Variants in SIPA1L2 observed in about 807,000 individuals in gnomAD.
The protein encoded by SIPA1L2 is signal induced proliferation associated 1 like 2, also known as signal-induced proliferation-associated 1-like protein 2.
SIPA1L2 carries 56 observed loss-of-function variants against 163.9 expected under a neutral mutation model. That is an observed-to-expected ratio of 0.34 (90% CI 0.28 to 0.43). The LOEUF (loss-of-function observed/expected upper bound fraction) is 0.43. Ranked by LOEUF, SIPA1L2 falls within the 20% of genes least tolerant of loss-of-function variation. The pLI is 1.00. For missense variants in SIPA1L2, 1,974 were observed against 2,193.5 expected (o/e 0.90, Z 2.00); for synonymous variants, 877 against 865.7 (o/e 1.01, Z -0.23).
At chr1:232,529,347 A>G (rs560852350) in intron 2 of SIPA1L2, among the ~76,000 whole-genome samples, 1 of 152,340 alleles carries the variant, frequency 6.6e-6, no homozygotes, top group East Asian at 1.9e-4. Flanking sequence ...CTTGACCTTC[A>G]AAATACGTTG....
At chr1:232,597,880 G>A (rs1661365154) in intron 1 of SIPA1L2, among the ~76,000 whole-genome samples, 1 of 151,934 alleles carries the variant, frequency 6.6e-6, no homozygotes, top group Non-Finnish European at 1.5e-5. Context: ...TGAGTCTGAG[G>A]CACCCGAAAG....
chr1:232,564,145 T>TCGTGTGTGTGTGTGTG (rs1307515862), intron 2 of SIPA1L2, among the ~76,000 whole-genome samples: 1 of 64,168 alleles, frequency 1.6e-5, no homozygotes, highest in African/African-American at 9.8e-5. Flanking sequence ...TTTTTTTTTT[T>TCGTGTGTGTGTGTGTG]TTTCGTGTGT....
intron 1 of SIPA1L2, among the ~76,000 whole-genome samples, chr1:232,601,296 C>CA (rs1661583105): frequency 6.6e-6 from 1 of 152,170 alleles, no homozygotes; most frequent in African/African-American, 2.4e-5. Flanking sequence ...AGGCTAGTCT[C>CA]AATCTCCTGG....
chr1:232,420,486 T>C (rs1661508243), intron 18 of SIPA1L2, among the ~76,000 whole-genome samples: 1 of 152,164 alleles, frequency 6.6e-6, no homozygotes, highest in South Asian at 2.1e-4. Context: ...AAGCCTGTTA[T>C]TTTAAATCCA....
intron 15 of SIPA1L2, among the ~76,000 whole-genome samples, chr1:232,438,651 C>T (rs1019055302): frequency 3.0e-4 from 45 of 152,342 alleles, no homozygotes; most frequent in African/African-American, 1.0e-3. Context: ...TCAGGCCTCC[C>T]CTGCTGTCAG....
intron 2 of SIPA1L2, among the ~76,000 whole-genome samples, chr1:232,535,724 G>A (rs1657263640): frequency 6.6e-6 from 1 of 152,114 alleles, no homozygotes; most frequent in South Asian, 2.1e-4. Context: ...AATGCACCGT[G>A]CCTCACAGTA....
intron 2 of SIPA1L2, among the ~76,000 whole-genome samples, chr1:232,563,126 T>A (rs58968845): frequency 1.3e-5 from 2 of 152,232 alleles, no homozygotes; most frequent in Non-Finnish European, 2.9e-5. Flanking sequence ...GAAGGTTCAA[T>A]AGCCTCTTTA....
At chr1:232,532,834 GTACAGCAGAGCAATGAGATGCC>G (rs1474999254) in intron 2 of SIPA1L2, among the ~76,000 whole-genome samples, 1 of 152,156 alleles carries the variant, frequency 6.6e-6, no homozygotes, top group African/African-American at 2.4e-5. Flanking sequence ...AAACACTGAG[GTACAGCAGAGCAATGAGATGCC>G]TACCTCTACT....
At chr1:232,532,281 C>T (rs1416109582) in intron 2 of SIPA1L2, among the ~76,000 whole-genome samples, 1 of 152,038 alleles carries the variant, frequency 6.6e-6, no homozygotes, top group Non-Finnish European at 1.5e-5. Flanking sequence ...AAGAATGACT[C>T]CAGGATTTTT....
Position 232,465,495 on chromosome 1 carries a change from T to TACACACACACACACATATACATAC in SIPA1L2, c.2244-103_2244-80dup. On this transcript the variant is annotated intron_variant, in intron 8 of 22. Transcript: ENST00000674635. The surrounding 1 kb of genome is among the most constrained non-coding windows in gnomAD (Gnocchi z 4.1). Reference sequence around the variant, plus strand: ...TATCTTTCCGAATTTGACATATATATACACACACACACACATATACATACA... The same window carrying TACACACACACACACATATACATAC: ...TATCTTTCCGAATTTGACATATATATACACACACACACACATATACATACACACACACACACACATATACATACA... The TACACACACACACACATATACATAC allele has an allele frequency of 1.9e-6, 2 of 1,065,652 alleles. No individual in the cohort carries two copies. The highest frequency in any genetic ancestry group is 2.6e-5 in the East Asian group (1 of 38,894). The allele number at this position is 1,065,652 out of a possible 1,614,324, so 66.0% of individuals were successfully genotyped here.
intron 2 of SIPA1L2, among the ~76,000 whole-genome samples, chr1:232,527,725 CTTTTTTTTT>C (rs57868657): frequency 2.6e-4 from 21 of 80,946 alleles, no homozygotes; most frequent in Admixed American, 1.2e-3. Flanking sequence ...TCTTCTTCTT[CTTTTTTTTT>C]TTTTTTTTTT....
intron 14 of SIPA1L2, 73 bp downstream of exon 14, chr1:232,441,218 G>T: frequency 8.6e-7 from 1 of 1,162,958 alleles, no homozygotes; most frequent in Non-Finnish European, 1.2e-6. Context: ...CCAGGAATCA[G>T]GCTGTACCAC....
At chr1:232,536,659 A>T (rs529337491) in intron 2 of SIPA1L2, among the ~76,000 whole-genome samples, 19 of 152,156 alleles carry the variant, frequency 1.2e-4, no homozygotes, top group Non-Finnish European at 2.5e-4. Flanking sequence ...AAATAAAACA[A>T]ACAAACAAAA....
At chr1:232,404,897 G>A (rs538956408) in intron 19 of SIPA1L2, among the ~76,000 whole-genome samples, 2 of 152,258 alleles carry the variant, frequency 1.3e-5, no homozygotes. Flanking sequence ...TCTACAGTAG[G>A]AATCTGAGGT....
intron 14 of SIPA1L2, 26 bp from the exon 15 acceptor site, chr1:232,439,522 T>C: frequency 6.3e-7 from 1 of 1,590,974 alleles, no homozygotes; most frequent in Non-Finnish European, 8.6e-7. Context: ...GAACAGAGAG[T>C]TCTCAAGTGA....
intron 1 of SIPA1L2, among the ~76,000 whole-genome samples, chr1:232,599,369 C>T (rs993480120): frequency 1.3e-5 from 2 of 152,210 alleles, no homozygotes; most frequent in Admixed American, 6.5e-5. Context: ...AAGTATACCA[C>T]TCAGCAAGGC....
Position 232,528,660 on chromosome 1 carries a change from T to G in SIPA1L2, c.-269-13052A>C, listed in dbSNP as rs1229472411. Among the ~76,000 whole-genome samples the G allele has an allele frequency of 3.3e-5, 5 of 152,154 alleles. No individual in the cohort carries two copies. In the East Asian group the frequency reaches 9.6e-4, roughly 29 times the overall value. On this transcript the variant is annotated intron_variant, in intron 2 of 22. Coordinates refer to ENST00000674635, the MANE Select transcript of SIPA1L2 (RefSeq NM_020808.5). ...AGCTCCTCCAGCCTCACATCACTGG[T>G]GAGACCCATGCACAGACCTGGCTTA...
At chr1:232,628,540 G>T (rs1281089085) in intron 1 of SIPA1L2, among the ~76,000 whole-genome samples, 2 of 152,180 alleles carry the variant, frequency 1.3e-5, no homozygotes, top group Non-Finnish European at 2.9e-5. Flanking sequence ...ATTCTTAAAT[G>T]ATGTAACTAA....
chr1:232,468,423 A>G (rs1218497423), intron 8 of SIPA1L2, among the ~76,000 whole-genome samples: 1 of 152,228 alleles, frequency 6.6e-6, no homozygotes. Flanking sequence ...TAACTCCCGG[A>G]GTCAGGGAGT....
Sources: allele counts gnomAD v4.1 joint callset (sites outside exome capture counted in the v4.1 genomes callset), GRCh38; gene constraint gnomAD v4.1.1; non-coding constraint Gnocchi (gnomAD v3.1); transcripts MANE v1.5; gene names NCBI Gene and HGNC (gene_info 2026-07-23, HGNC 2026-07-21).